Variants in PRR9 observed in about 807,000 individuals in gnomAD.
PRR9 encodes the protein proline-rich protein 9.
PRR9 carries 3 observed loss-of-function variants against 2.6 expected under a neutral mutation model. That is an observed-to-expected ratio of 1.15 (90% CI 0.53 to 2.98). PRR9 has a LOEUF of 2.98. PRR9 is among the 30% of genes most tolerant of loss of function. The pLI is 0.03. For missense variants in PRR9, 141 were observed against 132.0 expected, an observed-to-expected ratio of 1.07 and a Z score of -0.33; for synonymous variants, 48 against 50.4, an observed-to-expected ratio of 0.95 and a Z score of 0.20.
chr1:153,218,408 A>G lies in PRR9; in HGVS notation c.264A>G (p.Pro88=). The G allele has an allele frequency of 6.4e-7, 1 of 1,550,684 alleles. No individual in the cohort carries two copies. Among genetic ancestry groups the G allele is most frequent in the Non-Finnish European group, 8.7e-7 (1 of 1,147,022 alleles). The change falls in exon 2 of 2, where the codon CCA becomes CCG. Residue 88 remains proline (P), a synonymous_variant. Transcript: ENST00000368744. ...QDQCPPQCAE[P]CQELFQTKCV... is the part of the protein sequence containing the mutation. The stretch of plus-strand genomic sequence containing the variant: ...AGTGTCCACCTCAGTGTGCAGAGCC[A>G]TGCCAGGAGCTATTCCAGACAAAAT...
In PRR9 at chr1:153,218,660, G is replaced by T. The variant is rs1657976664; in HGVS notation, c.*165G>T. ...GACTTGGTCTGTGTCTCTGAAGACA[G>T]TTCTTTCTGTATTTCATCACCCTCT... On this transcript the variant is annotated 3_prime_UTR_variant, in exon 2 of 2. Coordinates refer to ENST00000368744, the MANE Select transcript of PRR9 (RefSeq NM_001195571.2). 6.5e-6 allele frequency: 4 copies of T among 615,028 alleles called. No homozygotes were observed. Among genetic ancestry groups the T allele is most frequent in the Non-Finnish European group, 3.0e-6 (1 of 338,978 alleles). 38.1% of individuals were successfully genotyped at this position (615,028 alleles called of 1,614,324 possible).
rs113710797 is a variant in PRR9 at position 153,218,161 on chromosome 1, A to G, written c.17A>G (p.Gln6Arg). The change falls in exon 2 of 2, where the codon CAG becomes CGG. Residue 6 changes from glutamine (Q) to arginine (R), a missense_variant. By Grantham distance (43) the Gln-to-Arg change is conservative (BLOSUM62 1). Coordinates refer to ENST00000368744, the MANE Select transcript of PRR9 (RefSeq NM_001195571.2). The stretch of plus-strand genomic sequence containing the variant: ...CACCCTAGGATGTCCTTCAGTGAGC[A>G]GCAGTGCAAGCAGCCATGTGTGCCC... MSFSE[Q>R]QCKQPCVPPP... is the part of the protein sequence containing the mutation. 6.5e-7 allele frequency: 1 copy of G among 1,547,588 alleles called. No homozygotes were observed. The highest frequency in any genetic ancestry group is 8.7e-7 in the Non-Finnish European group (1 of 1,145,166).
chr1:153,218,409 T>C lies in PRR9; in HGVS notation c.265T>C (p.Cys89Arg), dbSNP rs1162880462. 4 of 1,550,524 alleles carry C rather than the reference T, an allele frequency of 2.6e-6. No individual in the cohort carries two copies. The African/African-American group carries it at 4.1e-5, about 16-fold the overall frequency. ...GTGTCCACCTCAGTGTGCAGAGCCA[T>C]GCCAGGAGCTATTCCAGACAAAATG... Reference protein sequence around the residue: ...DQCPPQCAEPCQELFQTKCVE... With the variant: ...DQCPPQCAEPRQELFQTKCVE... The change falls in exon 2 of 2, where the codon TGC becomes CGC. Residue 89 changes from cysteine to arginine, a missense_variant. Transcript: ENST00000368744.
Position 153,218,666 on chromosome 1 carries a change from T to C in PRR9, c.*171T>C. ...GTCTGTGTCTCTGAAGACAGTTCTT[T>C]CTGTATTTCATCACCCTCTGTGAAT... On this transcript the variant is annotated 3_prime_UTR_variant, in exon 2 of 2. Transcript: ENST00000368744. The C allele has an allele frequency of 1.6e-6, 1 of 613,152 alleles. No homozygotes were observed. Among genetic ancestry groups the C allele is most frequent in the Non-Finnish European group, 3.0e-6 (1 of 337,478 alleles). 38.0% of individuals were successfully genotyped at this position (613,152 alleles called of 1,614,324 possible).
chr1:153,217,861 G>A (rs915497168), intron 1 of PRR9, among the ~76,000 whole-genome samples: 3 of 152,236 alleles, frequency 2.0e-5, no homozygotes, highest in African/African-American at 7.2e-5. Context: ...CCTGTGGTAA[G>A]ACTGGGGTTT....
At position 153,219,291 on chromosome 1, in the gene PRR9, A is replaced by G. The variant is rs929635129; in HGVS notation, c.*796A>G. The stretch of plus-strand genomic sequence containing the variant: ...CCCTGGTGAAGGTAAAATACATAAT[A>G]AAGCTGATCCTAAGGCTGATATCTG... On this transcript the variant is annotated 3_prime_UTR_variant, in exon 2 of 2. Coordinates refer to ENST00000368744, the MANE Select transcript of PRR9 (RefSeq NM_001195571.2). The G allele has an allele frequency of 1.2e-5, 2 of 167,108 alleles. No homozygotes were observed. Among genetic ancestry groups the G allele is most frequent in the African/African-American group, 4.8e-5 (2 of 41,448 alleles). The allele number at this position is 167,108 out of a possible 1,614,324, so 10.4% of individuals were successfully genotyped here.
At chr1:153,217,900 G>C (rs12062833) in intron 1 of PRR9, among the ~76,000 whole-genome samples, 28,777 of 152,158 alleles carry the variant, frequency 0.19, 2,786 homozygotes, top group Middle Eastern at 0.2. Flanking sequence ...ACAGAGGCCA[G>C]GAGAACACTC....
Position 153,218,119 on chromosome 1 carries a change from T to C in PRR9, c.-20-6T>C. 1 of 1,490,860 alleles carries C rather than the reference T, an allele frequency of 6.7e-7. No homozygotes were observed. Among genetic ancestry groups the C allele is most frequent in the Non-Finnish European group, 9.0e-7 (1 of 1,115,104 alleles). 92.4% of individuals were successfully genotyped at this position (1,490,860 alleles called of 1,614,324 possible). ...CAGATAATTTCGAATCTTGTGTTTT[T>C]TTCAGGCTCTGCAAATCACCCTAGG... On this transcript the variant is annotated splice_region_variant and splice_polypyrimidine_tract_variant and intron_variant, in intron 1 of 1. Coordinates refer to ENST00000368744, the MANE Select transcript of PRR9 (RefSeq NM_001195571.2).
chr1:153,218,728 A>C lies in PRR9; in HGVS notation c.*233A>C. ...TCAGCAGTCTGATGGAAGGTCTCAA[A>C]TGTAGGAATGGTGTGGTTGTCAGGG... is the stretch of plus-strand genomic sequence containing the variant. On this transcript the variant is annotated 3_prime_UTR_variant, in exon 2 of 2. Transcript: ENST00000368744. 2 of 510,540 alleles carry C rather than the reference A, an allele frequency of 3.9e-6. No homozygotes were observed. The highest frequency in any genetic ancestry group is 3.5e-5 in the East Asian group (1 of 28,280). 31.6% of individuals were successfully genotyped at this position (510,540 alleles called of 1,614,324 possible). A position where few individuals can be genotyped will look rare whatever the true frequency, so the allele number is the denominator to read the frequency against.
Position 153,218,157 on chromosome 1 carries a change from G to A in PRR9, c.13G>A (p.Glu5Lys), listed in dbSNP as rs1461828125. Residue 5 changes from glutamate to lysine, a missense_variant, in exon 2 of 2, where the codon GAG becomes AAG. Glu to Lys is a moderately conservative substitution (Grantham distance 56). Transcript: ENST00000368744. MSFS[E>K]QQCKQPCVPP... ...AAATCACCCTAGGATGTCCTTCAGTGAGCAGCAGTGCAAGCAGCCATGTGT... is the reference window on the plus strand; with the variant it reads ...AAATCACCCTAGGATGTCCTTCAGTAAGCAGCAGTGCAAGCAGCCATGTGT... 1.3e-6 allele frequency: 2 copies of A among 1,546,450 alleles called. No homozygotes were observed. Among genetic ancestry groups the A allele is most frequent in the Non-Finnish European group, 1.7e-6 (2 of 1,144,608 alleles).
chr1:153,218,774 C>G lies in PRR9; in HGVS notation c.*279C>G. Reference sequence around the variant, plus strand: ...CAGGGAAGACCACAGAAGCCTAGCACAGCTTCCTTGGTGCAAAAATTCACC... The same window carrying G: ...CAGGGAAGACCACAGAAGCCTAGCAGAGCTTCCTTGGTGCAAAAATTCACC... On this transcript the variant is annotated 3_prime_UTR_variant, in exon 2 of 2. Coordinates refer to ENST00000368744, the MANE Select transcript of PRR9 (RefSeq NM_001195571.2). The G allele has an allele frequency of 2.8e-6, 1 of 356,004 alleles. No individual in the cohort carries two copies. Among genetic ancestry groups the G allele is most frequent in the Non-Finnish European group, 5.3e-6 (1 of 187,226 alleles). 22.1% of individuals were successfully genotyped at this position (356,004 alleles called of 1,614,324 possible). A position where few individuals can be genotyped will look rare whatever the true frequency, so the allele number is the denominator to read the frequency against.
In PRR9 at chr1:153,218,784, GGTGCAAAAA is replaced by G; in HGVS notation, c.*290_*298del. 9 of 319,672 alleles carry G rather than the reference GGTGCAAAAA, an allele frequency of 2.8e-5. No homozygotes were observed. The South Asian group carries it at 5.9e-4, about 21-fold the overall frequency. The allele number at this position is 319,672 out of a possible 1,614,324, so 19.8% of individuals were successfully genotyped here. A position where few individuals can be genotyped will look rare whatever the true frequency, so the allele number is the denominator to read the frequency against. On this transcript the variant is annotated 3_prime_UTR_variant, in exon 2 of 2. Coordinates refer to ENST00000368744, the MANE Select transcript of PRR9 (RefSeq NM_001195571.2). ...CACAGAAGCCTAGCACAGCTTCCTT[GGTGCAAAAA>G]TTCACCCAGCTCTGGGTGTGTAACA...
chr1:153,218,696 A>G lies in PRR9; in HGVS notation c.*201A>G, dbSNP rs2101684696. ...ATTTCATCACCCTCTGTGAATAAGC[A>G]TTGTTCTCAGCAGTCTGATGGAAGG... On this transcript the variant is annotated 3_prime_UTR_variant, in exon 2 of 2. Transcript: ENST00000368744. 1 of 590,056 alleles carries G rather than the reference A, an allele frequency of 1.7e-6. No individual in the cohort carries two copies. Among genetic ancestry groups the G allele is most frequent in the Non-Finnish European group, 3.1e-6 (1 of 322,756 alleles). The allele number at this position is 590,056 out of a possible 1,614,324, so 36.6% of individuals were successfully genotyped here. A position where few individuals can be genotyped will look rare whatever the true frequency, so the allele number is the denominator to read the frequency against.
Position 153,218,535 on chromosome 1 carries a change from G to A in PRR9, c.*40G>A. ...TCTGGGTTCAAGAAGATGGCCAGCAGATGAAACCCTGACCCCAGCCCACGC... is the reference window on the plus strand; with the variant it reads ...TCTGGGTTCAAGAAGATGGCCAGCAAATGAAACCCTGACCCCAGCCCACGC... On this transcript the variant is annotated 3_prime_UTR_variant, in exon 2 of 2. Coordinates refer to ENST00000368744, the MANE Select transcript of PRR9 (RefSeq NM_001195571.2). The A allele has an allele frequency of 2.7e-6, 4 of 1,455,468 alleles. No individual in the cohort carries two copies. Among genetic ancestry groups the A allele is most frequent in the Non-Finnish European group, 3.7e-6 (4 of 1,070,652 alleles). The allele number at this position is 1,455,468 out of a possible 1,614,324, so 90.2% of individuals were successfully genotyped here.
intron 1 of PRR9, among the ~76,000 whole-genome samples, chr1:153,217,922 A>C (rs919334534): frequency 1.3e-5 from 2 of 152,188 alleles, no homozygotes; most frequent in African/African-American, 4.8e-5. Context: ...CACTTTGGAG[A>C]CAGGTGCCAC....
rs190625943 is a variant in PRR9, at chr1:153,218,339, C to A, written c.195C>A (p.Cys65Ter). ...GCCAGGAATCAAGTCAAGAAAAATG[C>A]CCACAGCAAGGCCAAGAGCCATACC... ...SQCQESSQEK[C>*]PQQGQEPYLP... The change falls in exon 2 of 2, where the codon TGC becomes TGA. Residue 65 changes from cysteine (C) to a stop codon, truncating the protein, a stop_gained. Coordinates refer to ENST00000368744, the MANE Select transcript of PRR9 (RefSeq NM_001195571.2). LOFTEE classifies it high-confidence loss of function. 4 of 1,550,588 alleles carry A rather than the reference C, an allele frequency of 2.6e-6. No homozygotes were observed. In the African/African-American group the frequency reaches 4.1e-5, roughly 16 times the overall value.
In PRR9 at chr1:153,218,346, C is replaced by A. The variant is rs578088593; in HGVS notation, c.202C>A (p.Gln68Lys). 1 of 1,550,614 alleles carries A rather than the reference C, an allele frequency of 6.4e-7. No homozygotes were observed. The highest frequency in any genetic ancestry group is 1.4e-5 in the African/African-American group (1 of 73,160). ...QESSQEKCPQ[Q>K]GQEPYLPPCQ... ...ATCAAGTCAAGAAAAATGCCCACAG[C>A]AAGGCCAAGAGCCATACCTACCTCC... The change falls in exon 2 of 2, where the codon CAA becomes AAA. Residue 68 changes from glutamine (Q) to lysine (K), a missense_variant. Transcript: ENST00000368744.
At position 153,218,473 on chromosome 1, in the gene PRR9, C is replaced by T. The variant is rs1232084703; in HGVS notation, c.329C>T (p.Ser110Leu). Residue 110 changes from serine to leucine, a missense_variant, in exon 2 of 2, where the codon TCA (serine) becomes TTA (leucine). By Grantham distance (145) the Ser-to-Leu change is moderately radical (BLOSUM62 -2). Coordinates refer to ENST00000368744, the MANE Select transcript of PRR9 (RefSeq NM_001195571.2). ...VCPQKVQEKC[S>L]SPGKGK is the part of the protein sequence containing the mutation. ...CCACAGAAAGTCCAGGAGAAGTGCTCATCCCCTGGCAAGGGAAAGTAGCTG... is the reference window on the plus strand; with the variant it reads ...CCACAGAAAGTCCAGGAGAAGTGCTTATCCCCTGGCAAGGGAAAGTAGCTG... 2.6e-6 allele frequency: 4 copies of T among 1,549,914 alleles called. No homozygotes were observed. The highest frequency in any genetic ancestry group is 1.4e-5 in the African/African-American group (1 of 73,016).
In PRR9 at chr1:153,218,190, C is replaced by T; in HGVS notation, c.46C>T (p.Pro16Ser). Residue 16 changes from proline (P) to serine (S), a missense_variant, in exon 2 of 2, where the codon CCA (proline) becomes TCA (serine). Pro to Ser is a moderately conservative substitution (Grantham distance 74). Coordinates refer to ENST00000368744, the MANE Select transcript of PRR9 (RefSeq NM_001195571.2). ...GTGCAAGCAGCCATGTGTGCCCCCT[C>T]CATGCCTCCCAAAGACCCAGGAGCA... is the stretch of plus-strand genomic sequence containing the variant. ...QQCKQPCVPP[P>S]CLPKTQEQCQ... is the part of the protein sequence containing the mutation. 6.4e-7 allele frequency: 1 copy of T among 1,550,798 alleles called. No individual in the cohort carries two copies. Among genetic ancestry groups the T allele is most frequent in the Non-Finnish European group, 8.7e-7 (1 of 1,147,010 alleles).
Sources: allele counts gnomAD v4.1 joint callset (sites outside exome capture counted in the v4.1 genomes callset), GRCh38; gene constraint gnomAD v4.1.1; transcripts MANE v1.5; gene names NCBI Gene and HGNC (gene_info 2026-07-23, HGNC 2026-07-21).